The following DYSF variants were observed in gnomAD, a reference collection of about 807,000 sequenced individuals.
DYSF encodes dysferlin, also known as dystrophy-associated fer-1-like 1.
DYSF carries 212 observed loss-of-function variants against 274.9 expected under a neutral mutation model. That is an observed-to-expected ratio of 0.77 (90% CI 0.69 to 0.86). The LOEUF is 0.86. Ranked by LOEUF, DYSF falls within the 40% of genes least tolerant of loss-of-function variation. The pLI, the probability that DYSF is intolerant of heterozygous loss-of-function variation, is 0.00. For missense variants in DYSF, 2,666 were observed against 2,783.2 expected, an observed-to-expected ratio of 0.96 and a Z score of 0.95; for synonymous variants, 1,091 against 1,078.7, an observed-to-expected ratio of 1.01 and a Z score of -0.22.
chr2:71,549,762 GTT>G (rs1432309807), intron 17 of DYSF, among the ~76,000 whole-genome samples: 9 of 152,130 alleles, frequency 5.9e-5, no homozygotes, highest in Non-Finnish European at 8.8e-5. Context: ...GCCAAGAGGA[GTT>G]AAAAACTCTT....
intron 1 of DYSF, among the ~76,000 whole-genome samples, chr2:71,476,872 T>C (rs1175676837): frequency 9.1e-6 from 1 of 109,624 alleles, no homozygotes; most frequent in Non-Finnish European, 1.7e-5. Context: ...AAAGAATGAC[T>C]GACAAAACTA....
chr2:71,664,473 A>G, intron 46 of DYSF, 35 bp downstream of exon 46: 1 of 1,611,446 alleles, frequency 6.2e-7, no homozygotes, highest in South Asian at 1.1e-5. Context: ...TGCTTCTCTG[A>G]CAACACACCA....
chr2:71,509,145 T>C (rs2085810585), intron 4 of DYSF, among the ~76,000 whole-genome samples: 2 of 152,124 alleles, frequency 1.3e-5, no homozygotes, highest in African/African-American at 4.8e-5. Flanking sequence ...CGTGAGCCAC[T>C]GTGCCCAGCC....
At chr2:71,568,128 T>C in intron 25 of DYSF, 44 bp from the exon 26 acceptor site, 1 of 1,614,212 alleles carries the variant, frequency 6.2e-7, no homozygotes, top group Non-Finnish European at 8.5e-7. Flanking sequence ...TACCTGGAGC[T>C]GCCTTGGCCC....
At chr2:71,653,234 T>C (rs1216285037) in intron 42 of DYSF, among the ~76,000 whole-genome samples, 1 of 152,324 alleles carries the variant, frequency 6.6e-6, no homozygotes, top group African/African-American at 2.4e-5. Context: ...AGATCAACCA[T>C]TGTGGAAGTC....
chr2:71,614,505 A>G (rs2152879940), intron 40 of DYSF, among the ~76,000 whole-genome samples: 1 of 152,128 alleles, frequency 6.6e-6, no homozygotes, highest in East Asian at 1.9e-4. Context: ...CCAACTCTTG[A>G]TCATTGTTTA....
At chr2:71,663,609 C>T (rs1341427229) in intron 45 of DYSF, among the ~76,000 whole-genome samples, 1 of 152,220 alleles carries the variant, frequency 6.6e-6, no homozygotes, top group Non-Finnish European at 1.5e-5. Context: ...CTCTCACCTG[C>T]AGGGAGCTCA....
chr2:71,655,302 C>A lies in DYSF; in HGVS notation c.4627-860C>A, dbSNP rs76565939. On this transcript the variant is annotated intron_variant, in intron 42 of 55. Coordinates refer to ENST00000410020, the MANE Select transcript of DYSF (RefSeq NM_001130987.2). ...TATTTTTCTAAATTTTAATAATGAA[C>A]CTGTGTCACTTGCATAATTAAATAT... 2.7e-3 allele frequency among the ~76,000 whole-genome samples: 415 copies of A among 151,912 alleles called. 1 individual carries two copies. Among genetic ancestry groups the A allele is most frequent in the African/African-American group, 9.9e-3 (409 of 41,424 alleles).
intron 12 of DYSF, among the ~76,000 whole-genome samples, chr2:71,524,877 C>T (rs1173489334): frequency 1.3e-5 from 2 of 152,206 alleles, no homozygotes; most frequent in African/African-American, 2.4e-5. Context: ...GGTTCTGCTT[C>T]CAGCCTGTGT....
chr2:71,610,502 T>G (rs530565220), intron 36 of DYSF, among the ~76,000 whole-genome samples: 1 of 152,322 alleles, frequency 6.6e-6, no homozygotes, highest in African/African-American at 2.4e-5. Context: ...CCACCTTGCT[T>G]CCTCATGTAG....
intron 26 of DYSF, 89 bp from the exon 27 acceptor site, chr2:71,569,731 C>A: frequency 1.8e-6 from 2 of 1,124,120 alleles, no homozygotes; most frequent in African/African-American, 1.5e-5. Context: ...GTGAGGCTGA[C>A]ATACGCAGGG....
chr2:71,511,776 C>T, intron 4 of DYSF, 31 bp from the exon 5 acceptor site: 3 of 1,378,578 alleles, frequency 2.2e-6, no homozygotes, highest in Non-Finnish European at 3.0e-6. Context: ...GCCAGCGCAC[C>T]AACCTGTCCC....
intron 41 of DYSF, among the ~76,000 whole-genome samples, chr2:71,640,745 G>A (rs1236534981): frequency 8.0e-6 from 1 of 124,900 alleles, no homozygotes; most frequent in Non-Finnish European, 1.6e-5. Flanking sequence ...TAATCCGTGT[G>A]TGTGTGTGTG....
intron 22 of DYSF, among the ~76,000 whole-genome samples, chr2:71,559,938 A>T (rs1262734189): frequency 2.6e-5 from 4 of 152,226 alleles, no homozygotes; most frequent in African/African-American, 9.6e-5. Context: ...GACACTGCCC[A>T]GGGTACAGGT....
intron 29 of DYSF, among the ~76,000 whole-genome samples, chr2:71,573,714 G>A (rs2092601313): frequency 6.6e-6 from 1 of 152,200 alleles, no homozygotes; most frequent in African/African-American, 2.4e-5. Flanking sequence ...CAAGTTAAAA[G>A]CCCAGTGTTT....
intron 1 of DYSF, among the ~76,000 whole-genome samples, chr2:71,468,821 C>A (rs2081742007): frequency 6.6e-6 from 1 of 152,198 alleles, no homozygotes; most frequent in African/African-American, 2.4e-5. Flanking sequence ...CAGCTCCATG[C>A]TTAGGTGCCT....
chr2:71,535,087 A>G lies in DYSF; in HGVS notation c.1447A>G (p.Met483Val), dbSNP rs141818764. The change falls in exon 15 of 56, where the codon ATG becomes GTG. Residue 483 changes from methionine (M) to valine (V), a missense_variant and splice_region_variant. Around this residue, in one of 3 missense-constraint regions of DYSF, gnomAD observed 794 missense variants for 777.1 expected, o/e 1.02. Transcript: ENST00000410020. ...QWNQNITLPAMFPSMCEKMRI... is the reference protein window; with the variant it reads ...QWNQNITLPAVFPSMCEKMRI... ...GAACCAGAACATCACACTGCCTGCCATGGTGAGCCTCCTGCCCCCAGCAAA... is the reference window on the plus strand; with the variant it reads ...GAACCAGAACATCACACTGCCTGCCGTGGTGAGCCTCCTGCCCCCAGCAAA... 1.5e-3 allele frequency: 2,465 copies of G among 1,614,128 alleles called. 5 individuals are homozygous for G. Among genetic ancestry groups the G allele is most frequent in the Non-Finnish European group, 1.7e-3 (2,054 of 1,180,012 alleles).
chr2:71,684,261 G>T (rs2095329572), intron 55 of DYSF, among the ~76,000 whole-genome samples: 1 of 152,256 alleles, frequency 6.6e-6, no homozygotes, highest in Admixed American at 6.5e-5. Flanking sequence ...GTGGAAGAGT[G>T]TGTGCACGTG....
At chr2:71,515,436 T>C (rs2086555049) in intron 7 of DYSF, among the ~76,000 whole-genome samples, 187 bp from the exon 8 acceptor site, 1 of 152,178 alleles carries the variant, frequency 6.6e-6, no homozygotes, top group Admixed American at 6.5e-5. Context: ...TGGAATTTTA[T>C]AGATGTAAGG....
Sources: allele counts gnomAD v4.1 joint callset (sites outside exome capture counted in the v4.1 genomes callset), GRCh38; gene constraint gnomAD v4.1.1; regional missense constraint gnomAD v4.1.1; transcripts MANE v1.5; gene names NCBI Gene and HGNC (gene_info 2026-07-23, HGNC 2026-07-21).